Variants in LRMDA observed in about 807,000 individuals in gnomAD.
LRMDA encodes the protein leucine-rich melanocyte differentiation-associated protein.
A neutral mutation model predicts 29.8 loss-of-function variants in LRMDA; 18 were observed. That is an observed-to-expected ratio of 0.60 (90% CI 0.42 to 0.90). The LOEUF (loss-of-function observed/expected upper bound fraction) is 0.90, where lower values mean the gene tolerates loss of function less well. Among genes scored for constraint, LRMDA ranks in the 40% least tolerant of loss-of-function variants. The pLI is 0.00. For synonymous variants in LRMDA, 125 were observed against 109.4 expected (o/e 1.14, Z -0.89); for missense variants, 273 against 273.9 (o/e 1.00, Z 0.02).
intron 2 of LRMDA, among the ~76,000 whole-genome samples, chr10:75,706,457 G>C (rs1272367320): frequency 6.6e-6 from 1 of 151,974 alleles, no homozygotes; most frequent in East Asian, 1.9e-4. Context: ...GTTACTCCAG[G>C]GTCAAATGAT....
intron 2 of LRMDA, among the ~76,000 whole-genome samples, chr10:75,850,158 C>G (rs1167925931): frequency 6.6e-6 from 1 of 152,090 alleles, no homozygotes; most frequent in African/African-American, 2.4e-5. Flanking sequence ...CCTTGATGGT[C>G]TGGCATCAGG....
In LRMDA at chr10:76,468,754, C is replaced by T. The variant is rs182427497; in HGVS notation, c.602-88455C>T. Among the ~76,000 whole-genome samples, 382 of 152,194 alleles carry T rather than the reference C, an allele frequency of 2.5e-3. 1 individual carries two copies. Among genetic ancestry groups the T allele is most frequent in the Non-Finnish European group, 4.6e-3 (315 of 68,026 alleles). The stretch of plus-strand genomic sequence containing the variant: ...AAACTTCTCACAGAACACATAAATA[C>T]ACAGAAGACTTGCCCAACTCTGAAA... On this transcript the variant is annotated intron_variant, in intron 6 of 6. Transcript: ENST00000611255.
At chr10:75,766,348 CTG>C (rs1171108591) in intron 2 of LRMDA, among the ~76,000 whole-genome samples, 2 of 152,146 alleles carry the variant, frequency 1.3e-5, no homozygotes, top group Non-Finnish European at 2.9e-5. Context: ...TGTCCCAGTG[CTG>C]TGGGCAGTGC....
At chr10:76,135,293 T>G (rs1420090189) in intron 5 of LRMDA, among the ~76,000 whole-genome samples, 1 of 152,212 alleles carries the variant, frequency 6.6e-6, no homozygotes, top group Non-Finnish European at 1.5e-5. Flanking sequence ...CTTGATGAAC[T>G]GCAAAGGGAC....
intron 2 of LRMDA, among the ~76,000 whole-genome samples, chr10:75,994,760 C>T (rs550157826): frequency 6.6e-6 from 1 of 152,220 alleles, no homozygotes; most frequent in Non-Finnish European, 1.5e-5. Flanking sequence ...TGACGCATGT[C>T]AAGAGCTTTC....
chr10:76,251,849 A>C lies in LRMDA; in HGVS notation c.517-72552A>C, dbSNP rs1324942725. Among the ~76,000 whole-genome samples, 5 of 152,198 alleles carry C rather than the reference A, an allele frequency of 3.3e-5. No homozygotes were observed. In the East Asian group the frequency reaches 9.6e-4, roughly 29 times the overall value. On this transcript the variant is annotated intron_variant, in intron 5 of 6. Coordinates refer to ENST00000611255, the MANE Select transcript of LRMDA (RefSeq NM_001305581.2). ...TGAAAAGTTTACAAATCCTGCCGTG[A>C]GGGCTGTAAACAGAGTCCAGCCGGT... is the stretch of plus-strand genomic sequence containing the variant.
intron 5 of LRMDA, among the ~76,000 whole-genome samples, chr10:76,215,407 C>T (rs1167228611): frequency 6.6e-6 from 1 of 152,114 alleles, no homozygotes; most frequent in African/African-American, 2.4e-5. Flanking sequence ...TGATGGCTCT[C>T]TTTCTGAGCT....
rs188407859 is a variant in LRMDA, at chr10:76,196,984, C to T, written c.517-127417C>T. Among the ~76,000 whole-genome samples, 333 of 152,232 alleles carry T rather than the reference C, an allele frequency of 2.2e-3. 2 individuals carry two copies. Among genetic ancestry groups the T allele is most frequent in the African/African-American group, 7.7e-3 (318 of 41,526 alleles). The stretch of plus-strand genomic sequence containing the variant: ...AATGGTCCTTTCTCTTTTTAATATC[C>T]AGTCAGCTGTAACATCACGGGGTCT... On this transcript the variant is annotated intron_variant, in intron 5 of 6. Transcript: ENST00000611255.
At chr10:76,448,020 T>C (rs1171117169) in intron 6 of LRMDA, among the ~76,000 whole-genome samples, 1 of 152,202 alleles carries the variant, frequency 6.6e-6, no homozygotes, top group Non-Finnish European at 1.5e-5. Flanking sequence ...AATGTTATCT[T>C]GACTAGAAAT....
chr10:75,594,616 A>G (rs1433494604), intron 2 of LRMDA, among the ~76,000 whole-genome samples: 1 of 152,250 alleles, frequency 6.6e-6, no homozygotes, highest in African/African-American at 2.4e-5. Flanking sequence ...ACCAACCAGC[A>G]CTGTACTTAA....
chr10:76,528,259 G>T (rs966929634), intron 6 of LRMDA, among the ~76,000 whole-genome samples: 20 of 151,986 alleles, frequency 1.3e-4, no homozygotes, highest in Non-Finnish European at 2.6e-4. Flanking sequence ...CACACAAAAA[G>T]TCATTATCCA....
chr10:75,728,005 G>A (rs1027494214), intron 2 of LRMDA, among the ~76,000 whole-genome samples: 1 of 152,038 alleles, frequency 6.6e-6, no homozygotes, highest in Non-Finnish European at 1.5e-5. Flanking sequence ...GAGTGGCTAC[G>A]TTTAGCCAGA....
chr10:76,091,793 C>A (rs923024934), intron 5 of LRMDA, among the ~76,000 whole-genome samples: 1 of 152,106 alleles, frequency 6.6e-6, no homozygotes, highest in Admixed American at 6.5e-5. Context: ...TCAGTTGATC[C>A]TCCTGCCTCA....
intron 2 of LRMDA, among the ~76,000 whole-genome samples, chr10:75,854,548 A>AATTTATTT (rs532173091): frequency 4.8e-4 from 73 of 152,022 alleles, no homozygotes; most frequent in African/African-American, 1.7e-3. Flanking sequence ...AAAAATGACC[A>AATTTATTT]ATTTATTTAT....
intron 2 of LRMDA, among the ~76,000 whole-genome samples, chr10:75,833,967 T>C (rs1169367390): frequency 6.6e-6 from 1 of 152,170 alleles, no homozygotes; most frequent in Non-Finnish European, 1.5e-5. Context: ...GGACCTGCGC[T>C]CTGGATTTGA....
intron 2 of LRMDA, among the ~76,000 whole-genome samples, chr10:75,581,715 GTAA>G (rs1564806473): frequency 6.6e-6 from 1 of 151,298 alleles, no homozygotes; most frequent in East Asian, 2.0e-4. Flanking sequence ...GTTCTCAATT[GTAA>G]GTGGGAGTTG....
At chr10:76,108,789 T>C (rs1849528104) in intron 5 of LRMDA, among the ~76,000 whole-genome samples, 1 of 152,232 alleles carries the variant, frequency 6.6e-6, no homozygotes, top group African/African-American at 2.4e-5. Context: ...AAGACTTTCC[T>C]GACCAGCCTC....
At chr10:76,548,475 T>A (rs1843449189) in intron 6 of LRMDA, among the ~76,000 whole-genome samples, 1 of 150,408 alleles carries the variant, frequency 6.6e-6, no homozygotes, top group Non-Finnish European at 1.5e-5. Flanking sequence ...AAATGTAACC[T>A]GAGGCTAAAA....
chr10:76,264,393 C>A (rs1377057032), intron 5 of LRMDA, among the ~76,000 whole-genome samples: 3 of 96,070 alleles, frequency 3.1e-5, no homozygotes, highest in African/African-American at 1.2e-4. Context: ...GGTAACAGAG[C>A]AAGACTCTGT....
Sources: gnomAD v4.1 joint callset for allele counts (sites outside exome capture counted in the v4.1 genomes callset) on GRCh38, gnomAD v4.1.1 for gene constraint, MANE v1.5 for transcripts, NCBI Gene and HGNC (gene_info 2026-07-23, HGNC 2026-07-21) for gene names.